The following SAMD12 variants were observed in gnomAD, a reference collection of about 807,000 sequenced individuals.
SAMD12 encodes sterile alpha motif domain-containing protein 12.
Under a neutral mutation model 15.0 loss-of-function variants are expected in SAMD12, and 9 were observed. The observed-to-expected ratio is 0.60, with a 90% CI of 0.36 to 1.05. SAMD12 has a LOEUF of 1.05. SAMD12 is among the 50% of genes least tolerant of loss of function. SAMD12 has a pLI of 0.01. For missense variants in SAMD12, 230 were observed against 234.2 expected, an observed-to-expected ratio of 0.98 and a Z score of 0.12; for synonymous variants, 86 against 90.1, an observed-to-expected ratio of 0.96 and a Z score of 0.25.
At chr8:118,490,255 T>C (rs969264290) in intron 2 of SAMD12, among the ~76,000 whole-genome samples, 2 of 152,282 alleles carry the variant, frequency 1.3e-5, no homozygotes, top group African/African-American at 4.8e-5. Context: ...ACCTATTTAT[T>C]GAGATGTGGT....
the SAMD12 span, among the ~76,000 whole-genome samples, chr8:118,153,485 G>C: frequency 8.5e-5 from 13 of 152,198 alleles, no homozygotes; most frequent in African/African-American, 3.1e-4. Flanking sequence ...TAAAAAAAAT[G>C]GGGCCAAACG....
At chr8:118,187,069 G>A (rs1819255404), downstream of SAMD12, among the ~76,000 whole-genome samples, 1 of 152,068 alleles carries the variant, frequency 6.6e-6, no homozygotes, top group Admixed American at 6.6e-5. Context: ...TAATATTTGG[G>A]TTACACTACT....
the SAMD12 span, among the ~76,000 whole-genome samples, chr8:118,183,299 T>C: frequency 3.3e-5 from 5 of 152,240 alleles, no homozygotes; most frequent in East Asian, 7.7e-4. Flanking sequence ...AACTGAATTC[T>C]GTGCAATTCT....
chr8:118,456,441 G>T (rs1457078181), intron 2 of SAMD12, among the ~76,000 whole-genome samples: 2 of 152,114 alleles, frequency 1.3e-5, no homozygotes, highest in African/African-American at 4.8e-5. Context: ...TCTGCACTTA[G>T]CACCTAGGGG....
intron 3 of SAMD12, among the ~76,000 whole-genome samples, chr8:118,385,349 C>T (rs1279552819): frequency 6.6e-6 from 1 of 152,154 alleles, no homozygotes; most frequent in Non-Finnish European, 1.5e-5. Context: ...ATTCTCCTGC[C>T]TGATGGCCTT....
At chr8:118,245,327 C>T (rs1233386607) in intron 4 of SAMD12, among the ~76,000 whole-genome samples, 1 of 152,096 alleles carries the variant, frequency 6.6e-6, no homozygotes, top group East Asian at 1.9e-4. Flanking sequence ...ATTCAACAGC[C>T]TAGATCACCT....
chr8:118,224,220 G>T (rs765789250), intron 4 of SAMD12, among the ~76,000 whole-genome samples: 4 of 152,108 alleles, frequency 2.6e-5, no homozygotes, highest in Non-Finnish European at 5.9e-5. Context: ...GCTTTGGAAA[G>T]GTCTGGGTTC....
chr8:118,555,562 T>C (rs1406026418), intron 2 of SAMD12, among the ~76,000 whole-genome samples: 1 of 152,196 alleles, frequency 6.6e-6, no homozygotes, highest in African/African-American at 2.4e-5. Flanking sequence ...CTTTTGTTAA[T>C]GAATCAAAGA....
chr8:118,135,041 G>C, the SAMD12 span, among the ~76,000 whole-genome samples: 17,323 of 152,256 alleles, frequency 0.11, 1,054 homozygotes, highest in Middle Eastern at 0.14. Context: ...CCACACAGAA[G>C]TGACTGGAGG....
At chr8:118,366,651 A>G (rs1360543279) in intron 4 of SAMD12, among the ~76,000 whole-genome samples, 1 of 151,780 alleles carries the variant, frequency 6.6e-6, no homozygotes, top group Admixed American at 6.6e-5. Flanking sequence ...CGTCTCTACT[A>G]AAAATACAAA....
intron 4 of SAMD12, among the ~76,000 whole-genome samples, chr8:118,366,860 A>C (rs1818810424): frequency 7.8e-6 from 1 of 128,544 alleles, no homozygotes; most frequent in East Asian, 2.1e-4. Context: ...ATAAAATAAA[A>C]TAAAATAAAA....
At chr8:118,468,631 G>A (rs1823666387) in intron 2 of SAMD12, among the ~76,000 whole-genome samples, 1 of 151,958 alleles carries the variant, frequency 6.6e-6, no homozygotes, top group South Asian at 2.1e-4. Context: ...AGAATGCTGG[G>A]CACACAGCTG....
Position 118,230,486 on chromosome 8 carries a change from G to A in SAMD12, c.434-32754C>T, listed in dbSNP as rs900075089. Among the ~76,000 whole-genome samples the A allele has an allele frequency of 4.6e-5, 7 of 152,214 alleles. No homozygotes were observed. The South Asian group carries it at 8.3e-4, about 18-fold the overall frequency. The stretch of plus-strand genomic sequence containing the variant: ...CTAGAGAAGCTTCCTGGATAATGAC[G>A]TTTCTTGGAAGCTTCCCTGGTGGGT... On this transcript the variant is annotated intron_variant, in intron 4 of 4. Coordinates refer to the SAMD12 transcript ENST00000409003.
chr8:118,239,583 C>A (rs754862688), intron 4 of SAMD12, among the ~76,000 whole-genome samples: 1 of 152,106 alleles, frequency 6.6e-6, no homozygotes, highest in African/African-American at 2.4e-5. Flanking sequence ...TTTTCTTACA[C>A]CAAAGACTTT....
chr8:118,219,935 G>A (rs966511171), intron 4 of SAMD12, among the ~76,000 whole-genome samples: 2 of 152,222 alleles, frequency 1.3e-5, no homozygotes, highest in Non-Finnish European at 2.9e-5. Flanking sequence ...AAGCCACTAA[G>A]TTTTTGAGGT....
chr8:118,352,641 A>C (rs893259818), intron 4 of SAMD12, among the ~76,000 whole-genome samples: 3 of 152,236 alleles, frequency 2.0e-5, no homozygotes, highest in Non-Finnish European at 4.4e-5. Context: ...ATCTGAATTA[A>C]CTAACCGTGT....
At chr8:118,202,567 G>A (rs952735143) in intron 4 of SAMD12, among the ~76,000 whole-genome samples, 2 of 152,118 alleles carry the variant, frequency 1.3e-5, no homozygotes, top group South Asian at 2.1e-4. Flanking sequence ...ATTATGTCCC[G>A]CCCCACCTTT....
intron 2 of SAMD12, among the ~76,000 whole-genome samples, chr8:118,444,081 C>G (rs909872832): frequency 1.3e-5 from 2 of 152,168 alleles, no homozygotes; most frequent in Non-Finnish European, 2.9e-5. Flanking sequence ...CTCTGATATG[C>G]TGCTGGGTTT....
intron 3 of SAMD12, among the ~76,000 whole-genome samples, chr8:118,438,152 C>G (rs959518748): frequency 7.9e-5 from 12 of 152,156 alleles, no homozygotes; most frequent in African/African-American, 2.9e-4. Flanking sequence ...GGAATCGAAG[C>G]TAAGTACCCA....
Sources: allele counts gnomAD v4.1 joint callset (sites outside exome capture counted in the v4.1 genomes callset), GRCh38; gene constraint gnomAD v4.1.1; transcripts MANE v1.5; gene names NCBI Gene and HGNC (gene_info 2026-07-23, HGNC 2026-07-21).